Variants in BCAS3 observed in about 807,000 individuals in gnomAD.
BCAS3 encodes BCAS4/BCAS3 fusion.
A neutral mutation model predicts 116.1 loss-of-function variants in BCAS3; 53 were observed. That is an observed-to-expected ratio of 0.46 (90% CI 0.37 to 0.57). The LOEUF is 0.57. Among genes scored for constraint, BCAS3 ranks in the 20% least tolerant of loss-of-function variants. The pLI is 0.00. For missense variants in BCAS3, 917 were observed against 1,165.4 expected, an observed-to-expected ratio of 0.79 and a Z score of 3.10; for synonymous variants, 391 against 408.2, an observed-to-expected ratio of 0.96 and a Z score of 0.51.
At chr17:60,740,285 GGAGTTCAAGACTA>G in intron 5 of BCAS3, among the ~76,000 whole-genome samples, 1 of 152,054 alleles carries the variant, frequency 6.6e-6, no homozygotes, top group South Asian at 2.1e-4. Context: ...ACTGAGGCCA[GGAGTTCAAGACTA>G]GCCTGGGCAA....
chr17:61,295,579 G>A (rs59345149), intron 22 of BCAS3, among the ~76,000 whole-genome samples: 7,565 of 152,172 alleles, frequency 0.05, 646 homozygotes, highest in African/African-American at 0.17. Context: ...GTATTTACCT[G>A]GTTATAGTAA....
chr17:61,257,050 A>G (rs1022028756), intron 22 of BCAS3, among the ~76,000 whole-genome samples: 1 of 152,136 alleles, frequency 6.6e-6, no homozygotes, highest in Admixed American at 6.5e-5. Flanking sequence ...TTAGATCTCA[A>G]TCTTTGCGAT....
rs1238858882 is a variant in BCAS3, at chr17:61,337,541, T to C, written c.2426-30786T>C. On this transcript the variant is annotated intron_variant, in intron 22 of 23. Transcript: ENST00000407086. The surrounding 1 kb of genome is among the most constrained non-coding windows in gnomAD (Gnocchi z 4.8). ...GCTCCCAGGGATCCTCCTGCCAAGA[T>C]CCTGCCAGGCTTCCCTCGCCTTTGA... Among the ~76,000 whole-genome samples, 1 of 152,188 alleles carries C rather than the reference T, an allele frequency of 6.6e-6. No individual in the cohort carries two copies. The highest frequency in any genetic ancestry group is 2.4e-5 in the African/African-American group (1 of 41,442).
chr17:60,965,355 G>A (rs971706053), intron 14 of BCAS3, among the ~76,000 whole-genome samples: 4 of 151,220 alleles, frequency 2.6e-5, no homozygotes, highest in African/African-American at 9.7e-5. Context: ...CAGAGTAACT[G>A]GGATTATAGG....
At chr17:61,027,121 C>CAA (rs369879283) in intron 16 of BCAS3, among the ~76,000 whole-genome samples, 1 of 106,194 alleles carries the variant, frequency 9.4e-6, no homozygotes, top group Non-Finnish European at 2.1e-5. Context: ...AAGTAAAAAA[C>CAA]AAAAAAAAAA....
intron 22 of BCAS3, among the ~76,000 whole-genome samples, chr17:61,103,854 A>AT (rs1289777636): frequency 6.6e-6 from 1 of 152,214 alleles, no homozygotes; most frequent in East Asian, 1.9e-4. Context: ...TACACAAAAG[A>AT]TTTTAACTTG....
In BCAS3 at chr17:60,995,278, A is replaced by C. The variant is rs961765191; in HGVS notation, c.1486+5043A>C. ...AGTGATTCTTCTGCTTCAGCCTCCC[A>C]AGTAGCTGGGATTACAGGTGCCCGC... On this transcript the variant is annotated intron_variant, in intron 15 of 23. Transcript: ENST00000407086. The surrounding 1 kb of genome is among the most constrained non-coding windows in gnomAD (Gnocchi z 4.7). 3.3e-5 allele frequency among the ~76,000 whole-genome samples: 5 copies of C among 151,624 alleles called. No individual in the cohort carries two copies. Among genetic ancestry groups the C allele is most frequent in the Non-Finnish European group, 4.4e-5 (3 of 67,880 alleles).
Position 61,166,921 on chromosome 17 carries a change from C to T in BCAS3, c.2425+82357C>T, listed in dbSNP as rs1291619933. Among the ~76,000 whole-genome samples the T allele has an allele frequency of 2.6e-5, 4 of 151,678 alleles. No homozygotes were observed. In the East Asian group the frequency reaches 7.8e-4, roughly 30 times the overall value. On this transcript the variant is annotated intron_variant, in intron 22 of 23. Transcript: ENST00000407086. Reference sequence around the variant, plus strand: ...TTGTTGTAGAGATGGAGTCTCACTACTCACTACTCCATCTCTACAACAATG... The same window carrying T: ...TTGTTGTAGAGATGGAGTCTCACTATTCACTACTCCATCTCTACAACAATG...
intron 5 of BCAS3, among the ~76,000 whole-genome samples, chr17:60,713,676 G>A (rs969909303): frequency 1.3e-5 from 2 of 152,176 alleles, no homozygotes; most frequent in Admixed American, 1.3e-4. Flanking sequence ...ATTAAGAGAT[G>A]ACTTAAAGTA....
At chr17:60,893,987 G>A (rs2057349479) in intron 10 of BCAS3, among the ~76,000 whole-genome samples, 1 of 152,054 alleles carries the variant, frequency 6.6e-6, no homozygotes, top group African/African-American at 2.4e-5. Flanking sequence ...CAGGCAGTGT[G>A]ATGCTTCCTG....
chr17:60,869,404 A>G (rs1166196314), intron 8 of BCAS3, among the ~76,000 whole-genome samples: 1 of 152,186 alleles, frequency 6.6e-6, no homozygotes, highest in Non-Finnish European at 1.5e-5. Context: ...TAAATCTTCC[A>G]TGCCATTAAA....
Position 61,029,895 on chromosome 17 carries a change from AGAG to A in BCAS3, c.1638-4767_1638-4765del, listed in dbSNP as rs977097929. Among the ~76,000 whole-genome samples the A allele has an allele frequency of 6.6e-6, 1 of 151,976 alleles. No individual in the cohort carries two copies. Among genetic ancestry groups the A allele is most frequent in the African/African-American group, 2.4e-5 (1 of 41,414 alleles). ...TTTTTGAAAGATACGATTTATATGGAGAGGAGAATTTATTCTTACCTGCCACAT... is the reference window on the plus strand; with the variant it reads ...TTTTTGAAAGATACGATTTATATGGAGAGAATTTATTCTTACCTGCCACAT... On this transcript the variant is annotated intron_variant, in intron 16 of 23. Coordinates refer to ENST00000407086, the MANE Select transcript of BCAS3 (RefSeq NM_017679.5). This position sits in a 1 kb window ranked among gnomAD's most constrained non-coding sequence, Gnocchi z 5.2.
intron 22 of BCAS3, among the ~76,000 whole-genome samples, chr17:61,267,247 C>T (rs1056028711): frequency 1.4e-5 from 2 of 146,252 alleles, no homozygotes; most frequent in African/African-American, 2.6e-5. Flanking sequence ...TTAGTAGAGA[C>T]GAGGTTTCAC....
chr17:60,745,901 CA>C (rs1322293955), intron 5 of BCAS3, among the ~76,000 whole-genome samples: 2 of 152,024 alleles, frequency 1.3e-5, no homozygotes, highest in Admixed American at 6.6e-5. Context: ...TTGTAGTTTG[CA>C]GCTCTTAAAT....
chr17:60,755,274 T>C (rs986833587), intron 6 of BCAS3, among the ~76,000 whole-genome samples: 1 of 152,060 alleles, frequency 6.6e-6, no homozygotes, highest in Non-Finnish European at 1.5e-5. Context: ...AAAAGAGAGG[T>C]GAATTAAGTG....
At chr17:60,802,897 G>A (rs1022679063) in intron 6 of BCAS3, among the ~76,000 whole-genome samples, 7 of 152,222 alleles carry the variant, frequency 4.6e-5, no homozygotes, top group South Asian at 2.1e-4. Context: ...GATTACAGGC[G>A]TGAGCCACTG....
chr17:61,213,674 A>C lies in BCAS3; in HGVS notation c.2425+129110A>C, dbSNP rs921682245. On this transcript the variant is annotated intron_variant, in intron 22 of 23. Coordinates refer to ENST00000407086, the MANE Select transcript of BCAS3 (RefSeq NM_017679.5). This position sits in a 1 kb window ranked among gnomAD's most constrained non-coding sequence, Gnocchi z 5.4. ...GGTCTTATATTTGCATGTTTTTTTA[A>C]GTAGTGAAAGAAGGTTGGAGGAGGA... 5.9e-5 allele frequency among the ~76,000 whole-genome samples: 9 copies of C among 151,950 alleles called. No individual in the cohort carries two copies. Among genetic ancestry groups the C allele is most frequent in the Non-Finnish European group, 1.5e-5 (1 of 68,002 alleles).
chr17:61,278,597 A>G lies in BCAS3; in HGVS notation c.2426-89730A>G, dbSNP rs1445193133. ...AGATGCCAGCACCCTAAGTATTCCA[A>G]CACATTCATGGATAAACAAAATGTG... On this transcript the variant is annotated intron_variant, in intron 22 of 23. Coordinates refer to ENST00000407086, the MANE Select transcript of BCAS3 (RefSeq NM_017679.5). This position sits in a 1 kb window ranked among gnomAD's most constrained non-coding sequence, Gnocchi z 5.8. Among the ~76,000 whole-genome samples, 2 of 152,220 alleles carry G rather than the reference A, an allele frequency of 1.3e-5. No homozygotes were observed. Among genetic ancestry groups the G allele is most frequent in the Admixed American group, 6.5e-5 (1 of 15,288 alleles).
In BCAS3 at chr17:61,217,526, C is replaced by T. The variant is rs894210749; in HGVS notation, c.2425+132962C>T. On this transcript the variant is annotated intron_variant, in intron 22 of 23. Coordinates refer to ENST00000407086, the MANE Select transcript of BCAS3 (RefSeq NM_017679.5). The surrounding 1 kb of genome is among the most constrained non-coding windows in gnomAD (Gnocchi z 5.2). ...GGAAATCTTTCTTGAACAAGATAAA[C>T]AGGAACTAAGAGCAGAAATGCTTTC... Among the ~76,000 whole-genome samples the T allele has an allele frequency of 4.6e-5, 7 of 152,208 alleles. No homozygotes were observed. The East Asian group carries it at 9.6e-4, about 21-fold the overall frequency.
Sources: allele counts gnomAD v4.1 joint callset (sites outside exome capture counted in the v4.1 genomes callset), GRCh38; gene constraint gnomAD v4.1.1; non-coding constraint Gnocchi (gnomAD v3.1); transcripts MANE v1.5; gene names NCBI Gene and HGNC (gene_info 2026-07-23, HGNC 2026-07-21).